Variants in TRMT11 observed in about 807,000 individuals in gnomAD.
TRMT11 encodes the protein tRNA methyltransferase 11.
In TRMT11, 53 loss-of-function variants were observed where a neutral mutation model predicts 62.8. The ratio of observed to expected loss-of-function variants is 0.84; its 90% CI spans 0.68 to 1.06. The LOEUF is 1.06. Ranked by LOEUF, TRMT11 falls within the 50% of genes least tolerant of loss-of-function variation. The pLI is 0.00. For synonymous variants in TRMT11, 188 were observed against 190.3 expected, an observed-to-expected ratio of 0.99 and a Z score of 0.10; for missense variants, 556 against 553.4, an observed-to-expected ratio of 1.00 and a Z score of -0.05.
At chr6:125,989,694 G>C (rs967193831) in intron 1 of TRMT11, among the ~76,000 whole-genome samples, 10 of 152,182 alleles carry the variant, frequency 6.6e-5, no homozygotes, top group Non-Finnish European at 1.3e-4. Flanking sequence ...ATTCTTCTTA[G>C]TGTATTACAC....
chr6:126,096,668 C>T (rs1401457377), intron 17 of TRMT11, among the ~76,000 whole-genome samples: 1 of 151,900 alleles, frequency 6.6e-6, no homozygotes, highest in African/African-American at 2.4e-5. Flanking sequence ...GATGAGTCTT[C>T]TTAATCTTTG....
chr6:126,152,303 C>T (rs1267273730), intron 21 of TRMT11, among the ~76,000 whole-genome samples: 4 of 150,178 alleles, frequency 2.7e-5, no homozygotes, highest in Non-Finnish European at 5.9e-5. Context: ...ATGATCAGCA[C>T]AGTTATTACT....
chr6:125,993,932 T>A, intron 2 of TRMT11, 110 bp downstream of exon 2: 1 of 603,210 alleles, frequency 1.7e-6, no homozygotes, highest in Non-Finnish European at 2.8e-6. Context: ...TACTTGTATC[T>A]GTTTCAAGAG....
the TRMT11 span, among the ~76,000 whole-genome samples, chr6:126,228,960 G>A: frequency 1.3e-5 from 2 of 152,036 alleles, no homozygotes. Context: ...TGCTTTTAAT[G>A]GCTATTATAG....
At chr6:126,210,573 C>A in the TRMT11 span, among the ~76,000 whole-genome samples, 1 of 152,144 alleles carries the variant, frequency 6.6e-6, no homozygotes. Flanking sequence ...ATTTGTGATG[C>A]AGCAATAGGA....
intron 17 of TRMT11, among the ~76,000 whole-genome samples, chr6:126,090,222 A>T (rs1054329899): frequency 6.6e-6 from 1 of 152,168 alleles, no homozygotes; most frequent in African/African-American, 2.4e-5. Context: ...ACTCTTTCTC[A>T]TATGTCTGTC....
intron 21 of TRMT11, among the ~76,000 whole-genome samples, chr6:126,159,501 A>G (rs1295312985): frequency 6.6e-6 from 1 of 152,208 alleles, no homozygotes; most frequent in Non-Finnish European, 1.5e-5. Flanking sequence ...GACAGAAAGA[A>G]CTTGGCCACT....
intron 1 of TRMT11, among the ~76,000 whole-genome samples, chr6:125,993,240 C>G (rs1018507396): frequency 2.6e-5 from 4 of 152,190 alleles, no homozygotes; most frequent in Admixed American, 2.6e-4. Context: ...TAAACACTCT[C>G]TGGACAGATT....
chr6:126,030,374 C>A (rs1191803136), intron 12 of TRMT11, among the ~76,000 whole-genome samples: 1 of 152,176 alleles, frequency 6.6e-6, no homozygotes, highest in Non-Finnish European at 1.5e-5. Context: ...ATTTACATTT[C>A]ATTTCACTCT....
chr6:126,136,164 G>A, intron 21 of TRMT11, among the ~76,000 whole-genome samples: 1 of 151,422 alleles, frequency 6.6e-6, no homozygotes, highest in Non-Finnish European at 1.5e-5. Flanking sequence ...AAGAAATAAA[G>A]GACATCCAAA....
At chr6:125,998,972 CT>C (rs1254290705) in intron 6 of TRMT11, among the ~76,000 whole-genome samples, 10 of 137,784 alleles carry the variant, frequency 7.3e-5, no homozygotes, top group Admixed American at 5.9e-4. Context: ...TTGTTTGTTT[CT>C]TTTTTTTTAT....
intron 17 of TRMT11, among the ~76,000 whole-genome samples, chr6:126,057,796 T>C (rs1422075152): frequency 6.6e-6 from 1 of 152,190 alleles, no homozygotes; most frequent in Non-Finnish European, 1.5e-5. Flanking sequence ...GCACTGGGGC[T>C]CAAGGAACCT....
intron 12 of TRMT11, among the ~76,000 whole-genome samples, chr6:126,027,987 G>C (rs563951611): frequency 1.3e-5 from 2 of 152,296 alleles, no homozygotes; most frequent in African/African-American, 4.8e-5. Context: ...TTACATATTA[G>C]AATGATAGTA....
intron 21 of TRMT11, among the ~76,000 whole-genome samples, chr6:126,145,583 C>T: frequency 6.6e-6 from 1 of 152,134 alleles, no homozygotes. Context: ...TCCCAGAAGG[C>T]ACTCCCCAGT....
At chr6:126,227,236 G>C in the TRMT11 span, among the ~76,000 whole-genome samples, 10 of 152,334 alleles carry the variant, frequency 6.6e-5, no homozygotes, top group East Asian at 1.5e-3. Flanking sequence ...GGCTTATACA[G>C]ACTTCAGTGT....
At chr6:126,250,854 C>T in the TRMT11 span, among the ~76,000 whole-genome samples, 390 of 152,100 alleles carry the variant, frequency 2.6e-3, 1 homozygote, top group Non-Finnish European at 3.9e-3. Flanking sequence ...GGTCGTTAGC[C>T]GTTATGACAA....
At chr6:126,180,041 G>T (rs1778439979) in intron 1 of TRMT11, among the ~76,000 whole-genome samples, 1 of 151,906 alleles carries the variant, frequency 6.6e-6, no homozygotes, top group African/African-American at 2.4e-5. Flanking sequence ...AATTTCCTTT[G>T]TTAGAATAGA....
chr6:126,093,593 A>G (rs60904716), intron 17 of TRMT11, among the ~76,000 whole-genome samples: 2,545 of 58,458 alleles, frequency 0.044, 244 homozygotes, highest in African/African-American at 0.25. Flanking sequence ...ATGTATATAT[A>G]TATATATATA....
At chr6:126,235,987 T>G in the TRMT11 span, among the ~76,000 whole-genome samples, 1 of 152,260 alleles carries the variant, frequency 6.6e-6, no homozygotes, top group Non-Finnish European at 1.5e-5. Context: ...ATGTGTATTT[T>G]GCACATGTCA....
Sources: gnomAD v4.1 joint callset for allele counts (sites outside exome capture counted in the v4.1 genomes callset) on GRCh38, gnomAD v4.1.1 for gene constraint, MANE v1.5 for transcripts, NCBI Gene and HGNC (gene_info 2026-07-23, HGNC 2026-07-21) for gene names.